Variants in TOB1 observed in about 807,000 individuals in gnomAD.
TOB1 encodes the protein protein Tob1.
A neutral mutation model predicts 22.9 loss-of-function variants in TOB1; 2 were observed. The observed-to-expected ratio is 0.09, with a 90% CI of 0.04 to 0.28. TOB1 has a LOEUF of 0.28. Ranked by LOEUF, TOB1 falls within the 10% of genes least tolerant of loss-of-function variation. The pLI is 1.00. For synonymous variants in TOB1, 154 were observed against 150.6 expected, an observed-to-expected ratio of 1.02 and a Z score of -0.17; for missense variants, 299 against 420.5, an observed-to-expected ratio of 0.71 and a Z score of 2.53.
chr17:50,865,971 T>TCGACGCCGCTGCAGCCCCTC (rs1597991219), intron 1 of TOB1, 87 bp downstream of exon 1: 1 of 151,762 alleles, frequency 6.6e-6, no homozygotes, highest in East Asian at 2.0e-4. Flanking sequence ...GGCCCAGGGC[T>TCGACGCCGCTGCAGCCCCTC]CGACGCCGCT....
In TOB1 at chr17:50,862,504, GTCTT is replaced by G. The variant is rs1972228916; in HGVS notation, c.*472_*475del. On this transcript the variant is annotated 3_prime_UTR_variant, in exon 2 of 2. Transcript: ENST00000499247. ...GTACACAATTTTTAGAATAGTTGAT[GTCTT>G]TAAGATGGATATTTTACAATTTCAG... The G allele has an allele frequency of 6.6e-6, 1 of 152,640 alleles. No homozygotes were observed. The highest frequency in any genetic ancestry group is 2.1e-4 in the South Asian group (1 of 4,834). The allele number at this position is 152,640 out of a possible 1,614,324, so 9.5% of individuals were successfully genotyped here.
chr17:50,867,225 T>G (rs1972326101), upstream of TOB1: 1 of 152,314 alleles, frequency 6.6e-6, no homozygotes, highest in African/African-American at 2.4e-5. Context: ...TGCGTATGTA[T>G]CTGTGTCCAT....
rs1972232483 is a variant in TOB1, at chr17:50,862,773, G to C, written c.*207C>G. 11 of 621,458 alleles carry C rather than the reference G, an allele frequency of 1.8e-5. No homozygotes were observed. The highest frequency in any genetic ancestry group is 2.5e-5 in the Non-Finnish European group (10 of 405,166). 38.5% of individuals were successfully genotyped at this position (621,458 alleles called of 1,614,324 possible). ...AAATACTGTAAGAGGCCATATCTGA[G>C]AGTATACTTTAAAATATACAGTCAG... On this transcript the variant is annotated 3_prime_UTR_variant, in exon 2 of 2. Transcript: ENST00000499247.
At chr17:50,865,500 A>G (rs1173661330) in intron 1 of TOB1, among the ~76,000 whole-genome samples, 1 of 152,132 alleles carries the variant, frequency 6.6e-6, no homozygotes, top group Non-Finnish European at 1.5e-5. Flanking sequence ...GTGGAGGTGG[A>G]GGAGGAAGAG....
At position 50,862,860 on chromosome 17, in the gene TOB1, T is replaced by C; in HGVS notation, c.*120A>G. On this transcript the variant is annotated 3_prime_UTR_variant, in exon 2 of 2. Transcript: ENST00000499247. ...ATGATGCATGTTTTATTATTATTTT[T>C]TTAACCAAGCTTGAATGTATCCTTA... 1 of 1,333,026 alleles carries C rather than the reference T, an allele frequency of 7.5e-7. No individual in the cohort carries two copies. Among genetic ancestry groups the C allele is most frequent in the Non-Finnish European group, 9.8e-7 (1 of 1,017,012 alleles). 82.6% of individuals were successfully genotyped at this position (1,333,026 alleles called of 1,614,324 possible).
rs1315856475 is a variant in TOB1 at position 50,863,567 on chromosome 17, T to G, written c.451A>C (p.Ser151Arg). Residue 151 changes from serine (S) to arginine (R), a missense_variant, in exon 2 of 2, where the codon AGC becomes CGC. Ser to Arg is a moderately radical substitution (Grantham distance 110). Coordinates refer to ENST00000499247, the MANE Select transcript of TOB1 (RefSeq NM_005749.4). Reference protein sequence around the residue: ...PISDPASSVSSSPSPPFGHSA... With the variant: ...PISDPASSVSRSPSPPFGHSA... ...TGACCAAAAGGAGGCGATGGAGAGC[T>G]GGACACTGATGAGGCTGGGTCACTT... 6.2e-7 allele frequency: 1 copy of G among 1,614,018 alleles called. No individual in the cohort carries two copies. The highest frequency in any genetic ancestry group is 8.5e-7 in the Non-Finnish European group (1 of 1,180,042).
At chr17:50,867,125 C>T (rs1972324834), upstream of TOB1, 1 of 152,312 alleles carries the variant, frequency 6.6e-6, no homozygotes, top group Middle Eastern at 3.2e-3. Flanking sequence ...CCTCAGGCCT[C>T]CCGGTGCGAC....
chr17:50,863,553 A>T lies in TOB1; in HGVS notation c.465T>A (p.Pro155=). 2 of 1,614,126 alleles carry T rather than the reference A, an allele frequency of 1.2e-6. No homozygotes were observed. The highest frequency in any genetic ancestry group is 1.7e-6 in the Non-Finnish European group (2 of 1,180,030). The stretch of plus-strand genomic sequence containing the variant: ...TTACAGCAGCAGAGTGACCAAAAGG[A>T]GGCGATGGAGAGCTGGACACTGATG... The part of the protein sequence containing the change: ...PASSVSSSPS[P]PFGHSAAVSP... Residue 155 remains proline (P), a synonymous_variant, in exon 2 of 2, where the codon CCT becomes CCA. Transcript: ENST00000499247.
At position 50,863,710 on chromosome 17, in the gene TOB1, A is replaced by G. The variant is rs747955608; in HGVS notation, c.308T>C (p.Ile103Thr). 2 of 1,614,138 alleles carry G rather than the reference A, an allele frequency of 1.2e-6. No homozygotes were observed. Among genetic ancestry groups the G allele is most frequent in the Non-Finnish European group, 1.7e-6 (2 of 1,180,036 alleles). Residue 103 changes from isoleucine to threonine, a missense_variant, in exon 2 of 2, where the codon ATT (isoleucine) becomes ACT (threonine). Physicochemically the swap from Ile to Thr is moderately conservative, Grantham distance 89. Coordinates refer to ENST00000499247, the MANE Select transcript of TOB1 (RefSeq NM_005749.4). Reference protein sequence around the residue: ...WIDPFEVSYQIGEKGPVKVLY... With the variant: ...WIDPFEVSYQTGEKGPVKVLY... ...CACCTTCACTGGTCCCTTTTCACCA[A>G]TTTGGTAAGAAACCTCAAATGGGTC...
Position 50,863,703 on chromosome 17 carries a change from T to G in TOB1, c.315A>C (p.Glu105Asp). ...CGTAAAGCACCTTCACTGGTCCCTT[T>G]TCACCAATTTGGTAAGAAACCTCAA... is the stretch of plus-strand genomic sequence containing the variant. ...DPFEVSYQIG[E>D]KGPVKVLYVD... Residue 105 changes from glutamate to aspartate, a missense_variant, in exon 2 of 2, where the codon GAA becomes GAC. By Grantham distance (45) the Glu-to-Asp change is conservative (BLOSUM62 2). Coordinates refer to ENST00000499247, the MANE Select transcript of TOB1 (RefSeq NM_005749.4). 2 of 1,614,158 alleles carry G rather than the reference T, an allele frequency of 1.2e-6. No individual in the cohort carries two copies.
intron 1 of TOB1, among the ~76,000 whole-genome samples, chr17:50,865,588 C>T (rs1453426835): frequency 6.6e-6 from 1 of 152,100 alleles, no homozygotes; most frequent in Non-Finnish European, 1.5e-5. Context: ...GCACCCAGCA[C>T]CGAGCAGGTC....
Position 50,863,271 on chromosome 17 carries a change from C to T in TOB1, c.747G>A (p.Pro249=), listed in dbSNP as rs753893783. 38 of 1,613,088 alleles carry T rather than the reference C, an allele frequency of 2.4e-5. 1 individual carries two copies. The South Asian group carries it at 3.3e-4, about 14-fold the overall frequency. Residue 249 remains proline (P), a synonymous_variant, in exon 2 of 2, where the codon CCG becomes CCA. Coordinates refer to ENST00000499247, the MANE Select transcript of TOB1 (RefSeq NM_005749.4). ...QPQQQQQPAQ[P]PPPPPPPQQQ... is the part of the protein sequence containing the mutation. ...GCTGTGGTGGTGGTGGTGGCGGTGG[C>T]GGCTGGGCTGGCTGCTGCTGTTGCT...
At position 50,863,649 on chromosome 17, in the gene TOB1, C is replaced by T; in HGVS notation, c.369G>A (p.Glu123=). 6.2e-7 allele frequency: 1 copy of T among 1,614,170 alleles called. No homozygotes were observed. Among genetic ancestry groups the T allele is most frequent in the Non-Finnish European group, 8.5e-7 (1 of 1,180,022 alleles). Residue 123 remains glutamate, a synonymous_variant, in exon 2 of 2, where the codon GAG becomes GAA. Coordinates refer to ENST00000499247, the MANE Select transcript of TOB1 (RefSeq NM_005749.4). ...AGCTGTTTTTGATCTCCTTATCCAACTCACATCCATTTTCATTATTATCAT... is the reference window on the plus strand; with the variant it reads ...AGCTGTTTTTGATCTCCTTATCCAATTCACATCCATTTTCATTATTATCAT... ...YVDDNNENGC[E]LDKEIKNSFN...
Position 50,863,424 on chromosome 17 carries a change from G to A in TOB1, c.594C>T (p.Ser198=). The A allele has an allele frequency of 6.2e-7, 1 of 1,614,192 alleles. No homozygotes were observed. The highest frequency in any genetic ancestry group is 8.5e-7 in the Non-Finnish European group (1 of 1,180,044). ...TGGGAGAAGTACGTGCAACCTTGTT[G>A]CTACGGCCACTATTCTTCATTTTGG... ...GSTKMKNSGR[S]NKVARTSPIN... The change falls in exon 2 of 2, where the codon AGC becomes AGT. Residue 198 remains serine (S), a synonymous_variant. Coordinates refer to ENST00000499247, the MANE Select transcript of TOB1 (RefSeq NM_005749.4).
intron 1 of TOB1, among the ~76,000 whole-genome samples, chr17:50,864,612 G>C (rs759871883): frequency 4.0e-5 from 6 of 151,856 alleles, no homozygotes; most frequent in Non-Finnish European, 8.8e-5. Flanking sequence ...CCATGTTTTA[G>C]TTTACTTTGG....
chr17:50,864,529 C>A (rs1021748241), intron 1 of TOB1, among the ~76,000 whole-genome samples: 3 of 152,034 alleles, frequency 2.0e-5, no homozygotes, highest in African/African-American at 7.2e-5. Flanking sequence ...AGCATCCTCC[C>A]CCCACCCCCA....
chr17:50,862,843 T>G lies in TOB1; in HGVS notation c.*137A>C. ...TGGTTGGCAAATGAAAAATGATGCA[T>G]GTTTTATTATTATTTTTTTAACCAA... On this transcript the variant is annotated 3_prime_UTR_variant, in exon 2 of 2. Transcript: ENST00000499247. 1 of 1,213,172 alleles carries G rather than the reference T, an allele frequency of 8.2e-7. No individual in the cohort carries two copies. Among genetic ancestry groups the G allele is most frequent in the Non-Finnish European group, 1.1e-6 (1 of 914,272 alleles). 75.2% of individuals were successfully genotyped at this position (1,213,172 alleles called of 1,614,324 possible). A position where few individuals can be genotyped will look rare whatever the true frequency, so the allele number is the denominator to read the frequency against.
Position 50,863,840 on chromosome 17 carries a change from T to C in TOB1, c.178A>G (p.Ile60Val). ...ATCACTGGGTCCACTTTCTCCCCTA[T>C]GTGTATACATCTAAACCCCGATCCT... is the stretch of plus-strand genomic sequence containing the variant. Reference protein sequence around the residue: ...YKGSGFRCIHIGEKVDPVIEQ... With the variant: ...YKGSGFRCIHVGEKVDPVIEQ... Residue 60 changes from isoleucine to valine, a missense_variant, in exon 2 of 2, where the codon ATA becomes GTA. Transcript: ENST00000499247. 1.2e-6 allele frequency: 2 copies of C among 1,614,134 alleles called. No individual in the cohort carries two copies. The highest frequency in any genetic ancestry group is 1.7e-6 in the Non-Finnish European group (2 of 1,180,018).
intron 1 of TOB1, among the ~76,000 whole-genome samples, chr17:50,865,157 T>C (rs1468571001): frequency 1.3e-5 from 2 of 152,238 alleles, no homozygotes; most frequent in Non-Finnish European, 2.9e-5. Flanking sequence ...GAAGTTGATT[T>C]AAAAGTACGT....
Sources: gnomAD v4.1 joint callset for allele counts (sites outside exome capture counted in the v4.1 genomes callset) on GRCh38, gnomAD v4.1.1 for gene constraint, MANE v1.5 for transcripts, NCBI Gene and HGNC (gene_info 2026-07-23, HGNC 2026-07-21) for gene names.